Variants in ADGRE1 observed in about 807,000 individuals in gnomAD.
The protein encoded by ADGRE1 is EGF-like module receptor 1.
Under a neutral mutation model 102.7 loss-of-function variants are expected in ADGRE1, and 82 were observed. The observed-to-expected ratio is 0.80, with a 90% CI of 0.67 to 0.96. The LOEUF (loss-of-function observed/expected upper bound fraction) is 0.96, where lower values mean the gene tolerates loss of function less well. Ranked by LOEUF, ADGRE1 falls within the 40% of genes least tolerant of loss-of-function variation. ADGRE1 has a pLI of 0.00. For missense variants in ADGRE1, 1,032 were observed against 1,085.3 expected (o/e 0.95, Z 0.69); for synonymous variants, 398 against 399.6 (o/e 1.00, Z 0.05).
chr19:6,931,459 G>A (rs375483905), intron 17 of ADGRE1, among the ~76,000 whole-genome samples: 1 of 152,134 alleles, frequency 6.6e-6, no homozygotes, highest in Admixed American at 6.5e-5. Context: ...ATGACAACAC[G>A]AGGGAGGGTC....
chr19:6,898,296 T>G, intron 5 of ADGRE1: 1 of 1,596,258 alleles, frequency 6.3e-7, no homozygotes, highest in Admixed American at 1.7e-5. Context: ...TAACTCCAAT[T>G]CTCTGTCTAG....
At chr19:6,893,918 G>A (rs889323481) in intron 2 of ADGRE1, among the ~76,000 whole-genome samples, 1 of 152,176 alleles carries the variant, frequency 6.6e-6, no homozygotes, top group African/African-American at 2.4e-5. Context: ...ACTTTTTCCT[G>A]TATCTAGGGT....
chr19:6,910,661 T>C (rs1974144245), intron 10 of ADGRE1, among the ~76,000 whole-genome samples: 1 of 141,436 alleles, frequency 7.1e-6, no homozygotes, highest in South Asian at 2.4e-4. Context: ...AAGCTCCGCC[T>C]CCCGGGTTCA....
At chr19:6,910,563 TC>T (rs1279213496) in intron 10 of ADGRE1, among the ~76,000 whole-genome samples, 1 of 137,680 alleles carries the variant, frequency 7.3e-6, no homozygotes, top group Non-Finnish European at 1.5e-5. Context: ...GTCAAACTGT[TC>T]CAACTCTTTT....
intron 10 of ADGRE1, 107 bp from the exon 11 acceptor site, chr19:6,913,546 T>C: frequency 9.1e-7 from 1 of 1,101,266 alleles, no homozygotes; most frequent in South Asian, 2.4e-5. Flanking sequence ...CCCCTTTTAA[T>C]TCTCCTTTGG....
In ADGRE1 at chr19:6,937,578, A is replaced by C. The variant is rs1310332072; in HGVS notation, c.2585A>C (p.Lys862Thr). The change falls in exon 20 of 21, where the codon AAG becomes ACG. Residue 862 changes from lysine to threonine, a missense_variant. Coordinates refer to ENST00000312053, the MANE Select transcript of ADGRE1 (RefSeq NM_001974.5). ...GAATACAAGAGGTGGATCACTGGGAAGACGAAGCCCAGCTCCCAGTCCCAG... is the reference window on the plus strand; with the variant it reads ...GAATACAAGAGGTGGATCACTGGGACGACGAAGCCCAGCTCCCAGTCCCAG... ...REEYKRWITG[K>T]TKPSSQSQTS... The C allele has an allele frequency of 6.2e-7, 1 of 1,613,972 alleles. No individual in the cohort carries two copies. The highest frequency in any genetic ancestry group is 8.5e-7 in the Non-Finnish European group (1 of 1,180,014).
At chr19:6,916,869 T>C (rs1046309628) in intron 12 of ADGRE1, among the ~76,000 whole-genome samples, 4 of 151,806 alleles carry the variant, frequency 2.6e-5, no homozygotes, top group African/African-American at 4.8e-5. Context: ...ATTTGGCTTA[T>C]ACTGAGTTAA....
At chr19:6,894,383 G>T (rs923813513) in intron 2 of ADGRE1, among the ~76,000 whole-genome samples, 2 of 152,128 alleles carry the variant, frequency 1.3e-5, no homozygotes, top group African/African-American at 4.8e-5. Context: ...AGCAGTCACG[G>T]TTTTGATGAA....
At chr19:6,894,826 T>G (rs575298501) in intron 2 of ADGRE1, among the ~76,000 whole-genome samples, 2 of 152,016 alleles carry the variant, frequency 1.3e-5, no homozygotes, top group Admixed American at 6.5e-5. Flanking sequence ...TGGGGTTAAA[T>G]GGGTAATTGT....
intron 16 of ADGRE1, among the ~76,000 whole-genome samples, chr19:6,927,068 GT>G (rs1267067825): frequency 3.4e-5 from 5 of 148,432 alleles, no homozygotes; most frequent in Admixed American, 6.6e-5. Context: ...TCAGAAAAAA[GT>G]GGGGGGAATA....
chr19:6,932,335 G>A (rs1279936733), intron 17 of ADGRE1, among the ~76,000 whole-genome samples: 2 of 152,074 alleles, frequency 1.3e-5, no homozygotes, highest in Non-Finnish European at 2.9e-5. Context: ...AGGCGTGGTG[G>A]TGCACGCCTG....
At position 6,897,444 on chromosome 19, in the gene ADGRE1, C is replaced by T. The variant is rs751063392; in HGVS notation, c.411C>T (p.Leu137=). The part of the protein sequence containing the change: ...NFSCTDINEC[L]TSSVCPEHSD... ...GCTTCTCAGATATCAATGAGTGCCTCACCAGCAGCGTCTGCCCTGAGCATT... is the reference window on the plus strand; with the variant it reads ...GCTTCTCAGATATCAATGAGTGCCTTACCAGCAGCGTCTGCCCTGAGCATT... Residue 137 remains leucine (L), a synonymous_variant, in exon 5 of 21, where the codon CTC becomes CTT. Transcript: ENST00000312053. The T allele has an allele frequency of 4.9e-5, 78 of 1,595,958 alleles. 1 individual carries two copies. In the Middle Eastern group the frequency reaches 6.7e-4, roughly 14 times the overall value.
At chr19:6,892,183 A>G (rs575550838) in intron 2 of ADGRE1, among the ~76,000 whole-genome samples, 45 of 152,300 alleles carry the variant, frequency 3.0e-4, no homozygotes, top group Non-Finnish European at 5.4e-4. Flanking sequence ...GCTGGAAATG[A>G]GAAGAGAGAT....
intron 10 of ADGRE1, 88 bp downstream of exon 10, chr19:6,908,860 G>T: frequency 7.9e-7 from 1 of 1,270,056 alleles, no homozygotes; most frequent in Non-Finnish European, 1.1e-6. Flanking sequence ...ATGGCTGGGC[G>T]TGGTGGCTCA....
In ADGRE1 at chr19:6,904,091, C is replaced by T; in HGVS notation, c.858C>T (p.Thr286=). The change falls in exon 8 of 21, where the codon ACC becomes ACT. Residue 286 remains threonine, a synonymous_variant. Coordinates refer to ENST00000312053, the MANE Select transcript of ADGRE1 (RefSeq NM_001974.5). ...CCTGTGGTCCTAATTCTATCTGCAC[C>T]AATGCCCTGGGCTCCTACAGCTGTG... ...PSTCGPNSIC[T]NALGSYSCGC... 6.2e-7 allele frequency: 1 copy of T among 1,614,220 alleles called. No homozygotes were observed. The highest frequency in any genetic ancestry group is 1.3e-5 in the African/African-American group (1 of 75,050).
intron 18 of ADGRE1, among the ~76,000 whole-genome samples, chr19:6,936,433 C>T (rs143080471): frequency 0.024 from 1,959 of 82,046 alleles, 40 homozygotes; most frequent in African/African-American, 0.069. Flanking sequence ...GACACTCCAT[C>T]TCCAAAAAAA....
At chr19:6,889,139 A>G (rs1457899752) in intron 1 of ADGRE1, among the ~76,000 whole-genome samples, 1 of 150,910 alleles carries the variant, frequency 6.6e-6, no homozygotes, top group African/African-American at 2.4e-5. Flanking sequence ...TGATAGGGAT[A>G]ATGATGATGA....
At position 6,909,798 on chromosome 19, in the gene ADGRE1, G is replaced by A. The variant is rs929691142; in HGVS notation, c.1122+1026G>A. Among the ~76,000 whole-genome samples, 55 of 152,078 alleles carry A rather than the reference G, an allele frequency of 3.6e-4. 1 individual carries two copies. The highest frequency in any genetic ancestry group is 1.1e-3 in the African/African-American group (44 of 41,470). On this transcript the variant is annotated intron_variant, in intron 10 of 20. Coordinates refer to ENST00000312053, the MANE Select transcript of ADGRE1 (RefSeq NM_001974.5). ...TGCCCAGGCTAGAGTGCAATGGTGC[G>A]ATCTTGGCTCACCGCAACCTCCACC...
chr19:6,934,668 G>A (rs252548), intron 17 of ADGRE1, among the ~76,000 whole-genome samples: 101,119 of 146,634 alleles, frequency 0.69, 35,067 homozygotes, highest in Non-Finnish European at 0.73. Flanking sequence ...CACAATCTCA[G>A]CTGTCTGCAA....
Sources: gnomAD v4.1 joint callset for allele counts (sites outside exome capture counted in the v4.1 genomes callset) on GRCh38, gnomAD v4.1.1 for gene constraint, MANE v1.5 for transcripts, NCBI Gene and HGNC (gene_info 2026-07-23, HGNC 2026-07-21) for gene names.